RAPGEF5: variants seen among roughly 807,000 people sequenced by gnomAD.
RAPGEF5 encodes the protein M-Ras-regulated GEF.
RAPGEF5 carries 65 observed loss-of-function variants against 125.2 expected under a neutral mutation model. The observed-to-expected ratio is 0.52, with a 90% CI of 0.43 to 0.64. The LOEUF (loss-of-function observed/expected upper bound fraction) is 0.64. Ranked by LOEUF, RAPGEF5 falls within the 30% of genes least tolerant of loss-of-function variation. The pLI, the probability that RAPGEF5 is intolerant of heterozygous loss-of-function variation, is 0.00. For missense variants in RAPGEF5, 958 were observed against 1,048.1 expected (o/e 0.91, Z 1.19); for synonymous variants, 391 against 385.9 (o/e 1.01, Z -0.16).
chr7:22,295,202 T>G (rs1251934521), intron 5 of RAPGEF5, among the ~76,000 whole-genome samples: 2 of 152,208 alleles, frequency 1.3e-5, no homozygotes, highest in African/African-American at 4.8e-5. Context: ...CTTGAGATCT[T>G]TGATATCATG....
At chr7:22,156,983 A>T (rs1783830655) in intron 15 of RAPGEF5, 95 bp from the exon 16 acceptor site, 11 of 1,497,810 alleles carry the variant, frequency 7.3e-6, no homozygotes, top group East Asian at 2.4e-5. Flanking sequence ...AACTAGCCAA[A>T]TTTTTTTTTA....
At chr7:22,229,683 A>G (rs1462712177) in intron 8 of RAPGEF5, among the ~76,000 whole-genome samples, 1 of 152,204 alleles carries the variant, frequency 6.6e-6, no homozygotes, top group Non-Finnish European at 1.5e-5. Context: ...ACTTATATAG[A>G]CGGGCCTGCA....
At chr7:22,163,714 TC>T (rs1784076736) in intron 12 of RAPGEF5, among the ~76,000 whole-genome samples, 1 of 152,198 alleles carries the variant, frequency 6.6e-6, no homozygotes, top group Admixed American at 6.5e-5. Flanking sequence ...ACCAATCTAT[TC>T]TTGTTGTCTC....
intron 17 of RAPGEF5, among the ~76,000 whole-genome samples, chr7:22,152,669 C>CT (rs940877620): frequency 5.2e-4 from 79 of 151,354 alleles, no homozygotes; most frequent in Non-Finnish European, 9.2e-4. Context: ...TATCTTAAAA[C>CT]TTTTTTTTTG....
At chr7:22,240,850 G>T (rs1786313347) in intron 7 of RAPGEF5, among the ~76,000 whole-genome samples, 1 of 150,488 alleles carries the variant, frequency 6.6e-6, no homozygotes, top group East Asian at 2.0e-4. Context: ...ATTTCTCTCA[G>T]AAATTAAATT....
At chr7:22,243,912 T>C (rs2128136720) in intron 7 of RAPGEF5, among the ~76,000 whole-genome samples, 1 of 152,284 alleles carries the variant, frequency 6.6e-6, no homozygotes, top group Middle Eastern at 3.4e-3. Context: ...TACCCTTTGG[T>C]CAACATCTCC....
At chr7:22,128,804 G>C (rs1246526927) in intron 24 of RAPGEF5, among the ~76,000 whole-genome samples, 1 of 152,164 alleles carries the variant, frequency 6.6e-6, no homozygotes, top group African/African-American at 2.4e-5. Flanking sequence ...GCTTGCGTGT[G>C]CGCTATGTGA....
At chr7:22,305,640 T>A (rs552524096) in intron 5 of RAPGEF5, among the ~76,000 whole-genome samples, 1 of 152,046 alleles carries the variant, frequency 6.6e-6, no homozygotes, top group African/African-American at 2.4e-5. Context: ...TATCAAAGAG[T>A]GGGCCTTATT....
chr7:22,152,253 T>C (rs771028707), intron 17 of RAPGEF5, among the ~76,000 whole-genome samples: 7 of 152,206 alleles, frequency 4.6e-5, no homozygotes, highest in Non-Finnish European at 1.0e-4. Context: ...GCTGGTGACA[T>C]GTATAGCGGA....
intron 24 of RAPGEF5, among the ~76,000 whole-genome samples, chr7:22,128,959 G>A (rs1782832062): frequency 6.6e-6 from 1 of 152,168 alleles, no homozygotes; most frequent in Admixed American, 6.5e-5. Context: ...GACCCTAATA[G>A]AAGTCATATC....
At chr7:22,159,920 C>G (rs1783931209) in intron 14 of RAPGEF5, among the ~76,000 whole-genome samples, 1 of 152,000 alleles carries the variant, frequency 6.6e-6, no homozygotes, top group Admixed American at 6.6e-5. Context: ...ACCAGCCTGG[C>G]CAACATAGCT....
intron 7 of RAPGEF5, 57 bp downstream of exon 7, chr7:22,266,907 T>C: frequency 2.0e-6 from 3 of 1,518,742 alleles, no homozygotes; most frequent in South Asian, 1.1e-5. Flanking sequence ...CCAGATGATA[T>C]GTGAAATACC....
Position 22,122,398 on chromosome 7 carries a change from A to G in RAPGEF5, c.*8T>C, listed in dbSNP as rs1428578894. On this transcript the variant is annotated 3_prime_UTR_variant, in exon 26 of 26. Transcript: ENST00000665637. ...GCTGCAGATACAGGGGAGGTGAGGC[A>G]GTGGGGCTCACACCCGAGGCTCGAT... 3 of 1,600,560 alleles carry G rather than the reference A, an allele frequency of 1.9e-6. No individual in the cohort carries two copies. Among genetic ancestry groups the G allele is most frequent in the Non-Finnish European group, 2.6e-6 (3 of 1,168,232 alleles).
At chr7:22,275,708 G>A (rs1279955682) in intron 6 of RAPGEF5, among the ~76,000 whole-genome samples, 1 of 140,934 alleles carries the variant, frequency 7.1e-6, no homozygotes, top group Admixed American at 7.0e-5. Context: ...TGTTCTCTTT[G>A]GAGACCATGG....
chr7:22,264,746 C>A (rs558746080), intron 7 of RAPGEF5, among the ~76,000 whole-genome samples: 3 of 152,286 alleles, frequency 2.0e-5, no homozygotes, highest in African/African-American at 4.8e-5. Flanking sequence ...ATCAGCCACC[C>A]CTTCTCCAGC....
At chr7:22,166,608 C>T (rs181038280) in intron 12 of RAPGEF5, among the ~76,000 whole-genome samples, 4 of 152,314 alleles carry the variant, frequency 2.6e-5, no homozygotes, top group Non-Finnish European at 1.5e-5. Flanking sequence ...GTTCGACCTC[C>T]CATGTGGGGG....
intron 11 of RAPGEF5, among the ~76,000 whole-genome samples, chr7:22,187,447 C>T (rs1214025647): frequency 1.3e-5 from 2 of 152,142 alleles, no homozygotes; most frequent in Non-Finnish European, 2.9e-5. Context: ...TTTCGTAAAA[C>T]ATTATTTCTC....
intron 13 of RAPGEF5, among the ~76,000 whole-genome samples, chr7:22,161,210 AAAAAT>A (rs1216737002): frequency 3.3e-5 from 5 of 152,110 alleles, no homozygotes; most frequent in African/African-American, 1.2e-4. Flanking sequence ...CTCCGTCTCA[AAAAAT>A]AAATAAATAA....
intron 11 of RAPGEF5, 79 bp from the exon 12 acceptor site, chr7:22,167,227 C>T: frequency 9.3e-7 from 1 of 1,075,654 alleles, no homozygotes; most frequent in Non-Finnish European, 1.4e-6. Context: ...GGCCCCAGAA[C>T]CATGTGCATG....
Sources: allele counts gnomAD v4.1 joint callset (sites outside exome capture counted in the v4.1 genomes callset), GRCh38; gene constraint gnomAD v4.1.1; transcripts MANE v1.5; gene names NCBI Gene and HGNC (gene_info 2026-07-23, HGNC 2026-07-21).